The following CACNA2D1 variants were observed in gnomAD, a reference collection of about 807,000 sequenced individuals.
CACNA2D1 encodes the protein voltage-dependent calcium channel subunit alpha-2/delta-1.
Under a neutral mutation model 171.5 loss-of-function variants are expected in CACNA2D1, and 53 were observed. The ratio of observed to expected loss-of-function variants is 0.31; its 90% CI spans 0.25 to 0.39. The LOEUF (loss-of-function observed/expected upper bound fraction) is 0.39, where lower values mean the gene tolerates loss of function less well. Among genes scored for constraint, CACNA2D1 ranks in the 10% least tolerant of loss-of-function variants. The pLI is 1.00. For synonymous variants in CACNA2D1, 442 were observed against 443.1 expected (o/e 1.00, Z 0.03); for missense variants, 903 against 1,299.8 (o/e 0.69, Z 4.69).
intron 3 of CACNA2D1, among the ~76,000 whole-genome samples, chr7:82,309,541 TGC>T: frequency 1.3e-5 from 2 of 152,224 alleles, no homozygotes; most frequent in African/African-American, 4.8e-5. Flanking sequence ...GCCATGAAAC[TGC>T]TGCCTCTGTA....
Position 82,137,706 on chromosome 7 carries a change from CTAAAAAAAAA to C in CACNA2D1, c.355-1040_355-1031del, listed in dbSNP as rs1283940933. Among the ~76,000 whole-genome samples the C allele has an allele frequency of 0.011, 365 of 34,298 alleles. 5 individuals carry two copies. The South Asian group carries it at 0.13, about 13-fold the overall frequency. The allele number at this position is 34,298 out of a possible 152,430, so 22.5% of individuals were successfully genotyped here. On this transcript the variant is annotated intron_variant, in intron 4 of 38. Coordinates refer to ENST00000356860, the MANE Select transcript of CACNA2D1 (RefSeq NM_000722.4). ...CTAATACAGTGAAACTCCGTCTCTA[CTAAAAAAAAA>C]AAAAAAAAAAAAAATTAGCCGGGCG...
intron 3 of CACNA2D1, among the ~76,000 whole-genome samples, chr7:82,322,216 A>G (rs13221746): frequency 0.14 from 21,826 of 150,576 alleles, 1,900 homozygotes; most frequent in South Asian, 0.28. Flanking sequence ...AAAATATTTG[A>G]GAAAAGAACT....
chr7:82,102,261 A>C (rs1021861967), intron 6 of CACNA2D1, among the ~76,000 whole-genome samples: 1 of 152,180 alleles, frequency 6.6e-6, no homozygotes, highest in Non-Finnish European at 1.5e-5. Context: ...TATTTTAGAG[A>C]TAAAACTTTT....
At chr7:82,232,479 A>T (rs1357554468) in intron 3 of CACNA2D1, among the ~76,000 whole-genome samples, 2 of 152,194 alleles carry the variant, frequency 1.3e-5, no homozygotes, top group African/African-American at 2.4e-5. Context: ...CATATGCCAT[A>T]GTTTGTACTA....
chr7:81,953,366 G>A (rs1792829878), intron 38 of CACNA2D1, among the ~76,000 whole-genome samples: 1 of 151,916 alleles, frequency 6.6e-6, no homozygotes, highest in South Asian at 2.1e-4. Flanking sequence ...ATGAGGTCTG[G>A]AGCCTGGCTG....
At chr7:82,162,793 A>G (rs927726595) in intron 4 of CACNA2D1, among the ~76,000 whole-genome samples, 1 of 151,970 alleles carries the variant, frequency 6.6e-6, no homozygotes. Context: ...CATTGAAACC[A>G]GTCTACTAAG....
rs760733417 is a variant in CACNA2D1, at chr7:81,982,603, T to C, written c.1919A>G (p.Asn640Ser). The change falls in exon 24 of 39, where the codon AAT becomes AGT. Residue 640 changes from asparagine to serine, a missense_variant. Asn to Ser is a conservative substitution (Grantham distance 46, BLOSUM62 1). Transcript: ENST00000356860. ...GAATGTATAGCCAGATTCTTCAAAA[T>C]TATCTGGCTTCAGGGTTTCCGAATC... ...MKDSETLKPDNFEESGYTFIA... is the reference protein window; with the variant it reads ...MKDSETLKPDSFEESGYTFIA... 3.1e-6 allele frequency: 5 copies of C among 1,608,730 alleles called. No homozygotes were observed. In the Admixed American group the frequency reaches 6.7e-5, roughly 21 times the overall value.
At chr7:82,266,588 C>G (rs1807886377) in intron 3 of CACNA2D1, among the ~76,000 whole-genome samples, 2 of 149,898 alleles carry the variant, frequency 1.3e-5, no homozygotes, top group Admixed American at 1.3e-4. Flanking sequence ...GTGATCTCGG[C>G]TCACTGCAAC....
chr7:82,105,655 C>G (rs1157732047), intron 6 of CACNA2D1, among the ~76,000 whole-genome samples: 2 of 152,034 alleles, frequency 1.3e-5, no homozygotes, highest in African/African-American at 4.8e-5. Context: ...GCTCTATACT[C>G]AAAGTGGCTT....
chr7:82,061,424 A>G (rs1806895955), intron 9 of CACNA2D1, among the ~76,000 whole-genome samples: 1 of 152,148 alleles, frequency 6.6e-6, no homozygotes, highest in Admixed American at 6.6e-5. Context: ...CAACCCAGCA[A>G]TTAGTCTCCT....
At chr7:82,060,288 T>C in intron 10 of CACNA2D1, 140 bp downstream of exon 10, 1 of 373,634 alleles carries the variant, frequency 2.7e-6, no homozygotes, top group South Asian at 3.5e-5. Flanking sequence ...GTCGCTAAAA[T>C]AGGACAGGTC....
chr7:82,145,654 TTATA>T (rs1350273400), intron 4 of CACNA2D1, among the ~76,000 whole-genome samples: 2 of 144,224 alleles, frequency 1.4e-5, no homozygotes, highest in East Asian at 2.0e-4. Context: ...TGTAAAAATT[TTATA>T]TATATGCACA....
intron 3 of CACNA2D1, among the ~76,000 whole-genome samples, chr7:82,217,584 A>G (rs1425049600): frequency 6.7e-6 from 1 of 149,512 alleles, no homozygotes; most frequent in Non-Finnish European, 1.5e-5. Flanking sequence ...TACAGCAGTC[A>G]TTATACTGTT....
chr7:82,121,648 G>A (rs1217130891), intron 5 of CACNA2D1, among the ~76,000 whole-genome samples: 1 of 151,992 alleles, frequency 6.6e-6, no homozygotes, highest in African/African-American at 2.4e-5. Flanking sequence ...TGTATGAGTT[G>A]GATGACACTG....
At chr7:82,016,282 A>C (rs1367220620) in intron 12 of CACNA2D1, among the ~76,000 whole-genome samples, 2 of 152,110 alleles carry the variant, frequency 1.3e-5, no homozygotes, top group Non-Finnish European at 2.9e-5. Context: ...ACAATCATCA[A>C]ATGAATTCAA....
chr7:82,169,416 CAAAT>C (rs1303321927), intron 4 of CACNA2D1, among the ~76,000 whole-genome samples: 1 of 146,262 alleles, frequency 6.8e-6, no homozygotes, highest in South Asian at 2.2e-4. Context: ...TGGCAGTTGT[CAAAT>C]AGAGTCTCTC....
At chr7:82,091,622 G>T (rs1056769267) in intron 6 of CACNA2D1, among the ~76,000 whole-genome samples, 1 of 152,188 alleles carries the variant, frequency 6.6e-6, no homozygotes, top group African/African-American at 2.4e-5. Flanking sequence ...CTAATTGAAT[G>T]ATTTAATGTC....
intron 5 of CACNA2D1, among the ~76,000 whole-genome samples, chr7:82,126,693 G>A (rs1790368049): frequency 6.6e-6 from 1 of 152,034 alleles, no homozygotes; most frequent in Admixed American, 6.6e-5. Flanking sequence ...AGGCCTCCAA[G>A]GAACTGAAAC....
chr7:82,362,530 C>G (rs943380608), intron 1 of CACNA2D1, among the ~76,000 whole-genome samples: 2 of 152,150 alleles, frequency 1.3e-5, no homozygotes, highest in African/African-American at 4.8e-5. Flanking sequence ...AGAATTCACA[C>G]TACCTGTTTT....
Sources: allele counts gnomAD v4.1 joint callset (sites outside exome capture counted in the v4.1 genomes callset), GRCh38; gene constraint gnomAD v4.1.1; transcripts MANE v1.5; gene names NCBI Gene and HGNC (gene_info 2026-07-23, HGNC 2026-07-21).